The following VPS16 variants were observed in gnomAD, a reference collection of about 807,000 sequenced individuals.
VPS16 encodes the protein VPS16 core subunit of CORVET and HOPS complexes.
VPS16 carries 82 observed loss-of-function variants against 116.0 expected under a neutral mutation model. That is an observed-to-expected ratio of 0.71 (90% CI 0.59 to 0.85). The LOEUF is 0.85. Among genes scored for constraint, VPS16 ranks in the 40% least tolerant of loss-of-function variants. VPS16 has a pLI of 0.00. For synonymous variants in VPS16, 406 were observed against 420.7 expected (o/e 0.96, Z 0.43); for missense variants, 928 against 1,090.6 (o/e 0.85, Z 2.10).
Position 2,864,282 on chromosome 20 carries a change from A to C in VPS16, c.1715A>C (p.Asp572Ala), listed in dbSNP as rs1252502315. Residue 572 changes from aspartate to alanine, a missense_variant, in exon 17 of 24, where the codon GAC (aspartate) becomes GCC (alanine). Transcript: ENST00000380445. The surrounding 1 kb of genome is among the most constrained non-coding windows in gnomAD (Gnocchi z 5.2). ...AAGGCCATCGAGAGCGGGGACACTG[A>C]CCTGGGTGAGGGCAAGGCTGGGGGG... ...LSKAIESGDTDLVFTVLLHLK... is the reference protein window; with the variant it reads ...LSKAIESGDTALVFTVLLHLK... The C allele has an allele frequency of 6.2e-7, 1 of 1,614,008 alleles. No homozygotes were observed. The highest frequency in any genetic ancestry group is 8.5e-7 in the Non-Finnish European group (1 of 1,180,008).
At chr20:2,845,666 T>A (rs2089052001) in intron 1 of VPS16, among the ~76,000 whole-genome samples, 3 of 152,244 alleles carry the variant, frequency 2.0e-5, no homozygotes, top group Middle Eastern at 6.8e-3. Context: ...TTTTTGAGTG[T>A]ACCCTTTAAT....
At chr20:2,844,947 C>G (rs1016423342) in intron 1 of VPS16, among the ~76,000 whole-genome samples, 1 of 149,970 alleles carries the variant, frequency 6.7e-6, no homozygotes, top group African/African-American at 2.5e-5. Flanking sequence ...ATCTGAAGAA[C>G]GATGGGAAGC....
Position 2,842,722 on chromosome 20 carries a change from G to GTATCTATCTATAGATAGATACATCTA in VPS16, c.53+1895_53+1896insTATCTATCTATAGATAGATACATCTA, listed in dbSNP as rs1599966396. On this transcript the variant is annotated intron_variant, in intron 1 of 23. Transcript: ENST00000380445. ...TGTATCTATATATAGATAGACATAT[G>GTATCTATCTATAGATAGATACATCTA]GATGTATCTATCTATAGATACATAT... Among the ~76,000 whole-genome samples, 7 of 44,542 alleles carry GTATCTATCTATAGATAGATACATCTA rather than the reference G, an allele frequency of 1.6e-4. 1 individual carries two copies. Among genetic ancestry groups the GTATCTATCTATAGATAGATACATCTA allele is most frequent in the African/African-American group, 6.5e-4 (3 of 4,582 alleles). The allele number at this position is 44,542 out of a possible 152,430, so 29.2% of individuals were successfully genotyped here.
At chr20:2,842,950 G>T (rs1377866520) in intron 1 of VPS16, among the ~76,000 whole-genome samples, 1 of 64,744 alleles carries the variant, frequency 1.5e-5, no homozygotes, top group Non-Finnish European at 3.7e-5. Flanking sequence ...TTGCATGGGG[G>T]TCTTACTTAA....
At position 2,864,998 on chromosome 20, in the gene VPS16, A is replaced by G; in HGVS notation, c.1947A>G (p.Ala649=). The part of the protein sequence containing the change: ...AAEERIEGRV[A]ALQTAADAFY... ...TATAGCGTATTGAGGGGCGAGTAGC[A>G]GCTCTGCAGACAGCCGCCGATGCCT... Residue 649 remains alanine, a synonymous_variant, in exon 20 of 24, where the codon GCA becomes GCG. Transcript: ENST00000380445. The surrounding 1 kb of genome is among the most constrained non-coding windows in gnomAD (Gnocchi z 5.2). 4 of 1,614,144 alleles carry G rather than the reference A, an allele frequency of 2.5e-6. No homozygotes were observed. The highest frequency in any genetic ancestry group is 3.4e-6 in the Non-Finnish European group (4 of 1,180,024).
Position 2,864,682 on chromosome 20 carries a change from G to T in VPS16, c.1926+28G>T, listed in dbSNP as rs553204711. The T allele has an allele frequency of 1.9e-6, 3 of 1,601,516 alleles. No homozygotes were observed. The highest frequency in any genetic ancestry group is 1.7e-5 in the Admixed American group (1 of 59,940). On this transcript the variant is annotated intron_variant, in intron 19 of 23. Transcript: ENST00000380445. This position sits in a 1 kb window ranked among gnomAD's most constrained non-coding sequence, Gnocchi z 5.2. Reference sequence around the variant, plus strand: ...CTGAGATCCATGGGGCGTGTGGGGCGTGTGGGGCATGTGGGCTGGGGCTGT... The same window carrying T: ...CTGAGATCCATGGGGCGTGTGGGGCTTGTGGGGCATGTGGGCTGGGGCTGT...
Position 2,861,261 on chromosome 20 carries a change from C to T in VPS16, c.790C>T (p.Pro264Ser). 5 of 1,614,166 alleles carry T rather than the reference C, an allele frequency of 3.1e-6. No homozygotes were observed. Among genetic ancestry groups the T allele is most frequent in the Non-Finnish European group, 4.2e-6 (5 of 1,180,044 alleles). Residue 264 changes from proline to serine, a missense_variant, in exon 8 of 24, where the codon CCT becomes TCT. By Grantham distance (74) the Pro-to-Ser change is moderately conservative. Transcript: ENST00000380445. ...LCEFNCNIRAPPKQMVWCSRP... is the reference protein window; with the variant it reads ...LCEFNCNIRASPKQMVWCSRP... The stretch of plus-strand genomic sequence containing the variant: ...TGAGTTCAACTGCAACATCCGGGCA[C>T]CTCCAAAGCAGATGGTCTGGTAAGG...
At chr20:2,855,667 G>A (rs929020979) in intron 1 of VPS16, among the ~76,000 whole-genome samples, 3 of 152,184 alleles carry the variant, frequency 2.0e-5, no homozygotes, top group Middle Eastern at 3.2e-3. Flanking sequence ...TAGATCTTCT[G>A]GATAACTTGC....
intron 1 of VPS16, among the ~76,000 whole-genome samples, chr20:2,842,010 C>T (rs2088980999): frequency 6.6e-6 from 1 of 152,188 alleles, no homozygotes; most frequent in Admixed American, 6.5e-5. Flanking sequence ...CCACCTTGGC[C>T]TCCCAAAGTA....
chr20:2,840,799 A>G lies in VPS16; in HGVS notation c.25A>G (p.Asn9Asp). 1 of 1,548,244 alleles carries G rather than the reference A, an allele frequency of 6.5e-7. No individual in the cohort carries two copies. Among genetic ancestry groups the G allele is most frequent in the Non-Finnish European group, 8.7e-7 (1 of 1,146,560 alleles). Residue 9 changes from asparagine to aspartate, a missense_variant, in exon 1 of 24, where the codon AAC (asparagine) becomes GAC (aspartate). Coordinates refer to ENST00000380445, the MANE Select transcript of VPS16 (RefSeq NM_022575.4). ...CATGGACTGCTACACGGCGAACTGGAACCCACTCGGGGACTCTGCCTTTTA... is the reference window on the plus strand; with the variant it reads ...CATGGACTGCTACACGGCGAACTGGGACCCACTCGGGGACTCTGCCTTTTA... MDCYTANW[N>D]PLGDSAFYRK...
chr20:2,861,591 C>T (rs1163044356), intron 8 of VPS16, 24 bp from the exon 9 acceptor site: 5 of 1,594,230 alleles, frequency 3.1e-6, no homozygotes, highest in Non-Finnish European at 4.3e-6. Context: ...CAGTGTCTAG[C>T]CAGTGTGTAT....
intron 1 of VPS16, among the ~76,000 whole-genome samples, chr20:2,856,069 G>A (rs918914119): frequency 6.6e-6 from 1 of 152,184 alleles, no homozygotes; most frequent in African/African-American, 2.4e-5. Context: ...TCCTCACTAA[G>A]GTTAGTCGTT....
chr20:2,859,715 G>T lies in VPS16; in HGVS notation c.54-4G>T. The T allele has an allele frequency of 6.2e-7, 1 of 1,613,434 alleles. No individual in the cohort carries two copies. Among genetic ancestry groups the T allele is most frequent in the Non-Finnish European group, 8.5e-7 (1 of 1,179,700 alleles). ...CTAATTTCTGCTCATCTCTGTGTGGGCAGGAAATATGAGCTGTACAGCATG... is the reference window on the plus strand; with the variant it reads ...CTAATTTCTGCTCATCTCTGTGTGGTCAGGAAATATGAGCTGTACAGCATG... On this transcript the variant is annotated splice_region_variant and splice_polypyrimidine_tract_variant and intron_variant, in intron 1 of 23. Coordinates refer to ENST00000380445, the MANE Select transcript of VPS16 (RefSeq NM_022575.4).
chr20:2,859,752 G>A lies in VPS16; in HGVS notation c.87G>A (p.Leu29=), dbSNP rs780002731. The A allele has an allele frequency of 9.7e-5, 157 of 1,613,166 alleles. No homozygotes were observed. The highest frequency in any genetic ancestry group is 1.3e-4 in the Non-Finnish European group (156 of 1,179,712). ...KYELYSMDWD[L]KEELRDCLVA... ...AGCTGTACAGCATGGACTGGGACCT[G>A]AAGGAGGAACTCAGGGATTGCCTGG... Residue 29 remains leucine (L), a synonymous_variant, in exon 2 of 24, where the codon CTG becomes CTA. Coordinates refer to ENST00000380445, the MANE Select transcript of VPS16 (RefSeq NM_022575.4).
intron 11 of VPS16, 69 bp downstream of exon 11, chr20:2,862,199 A>G: frequency 6.5e-7 from 1 of 1,535,374 alleles, no homozygotes; most frequent in Non-Finnish European, 8.8e-7. Context: ...ATGTGTGAGC[A>G]TAGCCAGGTG....
chr20:2,860,642 C>G lies in VPS16; in HGVS notation c.514+49C>G. The G allele has an allele frequency of 6.2e-7, 1 of 1,611,098 alleles. No homozygotes were observed. The highest frequency in any genetic ancestry group is 8.5e-7 in the Non-Finnish European group (1 of 1,178,574). ...AGCCAAGCAGTACCCACAGATGTGC[C>G]TCTAGCCTGTGAGACCCATAAAAAC... On this transcript the variant is annotated intron_variant, in intron 5 of 23. Coordinates refer to ENST00000380445, the MANE Select transcript of VPS16 (RefSeq NM_022575.4). This position sits in a 1 kb window ranked among gnomAD's most constrained non-coding sequence, Gnocchi z 6.1.
intron 1 of VPS16, among the ~76,000 whole-genome samples, chr20:2,849,376 C>G (rs1186458063): frequency 6.6e-6 from 1 of 150,416 alleles, no homozygotes; most frequent in Non-Finnish European, 1.5e-5. Context: ...TTTTGGCTCA[C>G]TGCAACCTCT....
chr20:2,866,604 G>A lies in VPS16; in HGVS notation c.*30G>A. On this transcript the variant is annotated 3_prime_UTR_variant, in exon 24 of 24. Transcript: ENST00000380445. ...TCCATCCTGTACATCTCAAGCAAGG[G>A]GTTCCTCCCCTAGCACCTGGGCTTG... The A allele has an allele frequency of 6.2e-7, 1 of 1,611,780 alleles. No individual in the cohort carries two copies. The highest frequency in any genetic ancestry group is 1.1e-5 in the South Asian group (1 of 90,876).
intron 1 of VPS16, among the ~76,000 whole-genome samples, chr20:2,844,864 A>G (rs2089042437): frequency 6.6e-6 from 1 of 152,178 alleles, no homozygotes; most frequent in Non-Finnish European, 1.5e-5. Context: ...GTAGGCAACA[A>G]GAACAGGACA....
Sources: gnomAD v4.1 joint callset for allele counts (sites outside exome capture counted in the v4.1 genomes callset) on GRCh38, gnomAD v4.1.1 for gene constraint, Gnocchi (gnomAD v3.1) non-coding constraint, MANE v1.5 for transcripts, NCBI Gene and HGNC (gene_info 2026-07-23, HGNC 2026-07-21) for gene names.